VWA5B1: variants seen among roughly 807,000 people sequenced by gnomAD.
The protein encoded by VWA5B1 is von Willebrand factor A domain-containing protein 5B1.
A neutral mutation model predicts 118.2 loss-of-function variants in VWA5B1; 115 were observed. That is an observed-to-expected ratio of 0.97 (90% CI 0.84 to 1.14). The LOEUF is 1.14. Ranked by LOEUF, VWA5B1 falls within the 50% of genes most tolerant of loss-of-function variation. VWA5B1 has a pLI of 0.00. For synonymous variants in VWA5B1, 682 were observed against 658.4 expected, an observed-to-expected ratio of 1.04 and a Z score of -0.55; for missense variants, 1,596 against 1,603.8, an observed-to-expected ratio of 1.00 and a Z score of 0.08.
At chr1:20,307,279 G>T (rs1046186052) in intron 1 of VWA5B1, among the ~76,000 whole-genome samples, 1 of 152,180 alleles carries the variant, frequency 6.6e-6, no homozygotes, top group Admixed American at 6.5e-5. Flanking sequence ...GTTTCCTGTG[G>T]CCCGCGCCCA....
At chr1:20,336,211 G>A (rs772589390) in intron 12 of VWA5B1, 92 bp from the exon 13 acceptor site, 122 of 1,148,540 alleles carry the variant, frequency 1.1e-4, no homozygotes, top group Non-Finnish European at 1.3e-4. Context: ...GATGAAAACC[G>A]CACCACCTCT....
intron 9 of VWA5B1, among the ~76,000 whole-genome samples, chr1:20,329,041 G>GT (rs1374429643): frequency 1.3e-5 from 2 of 152,164 alleles, no homozygotes; most frequent in East Asian, 3.9e-4. Flanking sequence ...AATCTGTAAT[G>GT]TAACTGTAAT....
chr1:20,297,571 G>A (rs146249685), intron 1 of VWA5B1, among the ~76,000 whole-genome samples: 22 of 152,314 alleles, frequency 1.4e-4, no homozygotes, highest in Middle Eastern at 3.4e-3. Context: ...ATTTAAGAGC[G>A]GGGCATCATA....
rs982081958 is a variant in VWA5B1, at chr1:20,355,380, G to A, written c.*1117G>A. Among the ~76,000 whole-genome samples, 10 of 152,302 alleles carry A rather than the reference G, an allele frequency of 6.6e-5. No homozygotes were observed. The highest frequency in any genetic ancestry group is 9.6e-5 in the African/African-American group (4 of 41,564). On this transcript the variant is annotated 3_prime_UTR_variant, in exon 22 of 22. Coordinates refer to ENST00000289815, the MANE Select transcript of VWA5B1 (RefSeq NM_001039500.3). ...GTGTGATGCCTACATGGGGAATGGC[G>A]TGCTGTGGCCGCAGATACCCTAATG...
chr1:20,332,741 A>G, intron 11 of VWA5B1, 25 bp from the exon 12 acceptor site: 4 of 1,549,288 alleles, frequency 2.6e-6, no homozygotes, highest in African/African-American at 1.4e-5. Flanking sequence ...ACATCCCCCA[A>G]CTGCATTCTG....
intron 9 of VWA5B1, among the ~76,000 whole-genome samples, chr1:20,329,595 T>C (rs1182409830): frequency 6.6e-6 from 1 of 152,110 alleles, no homozygotes; most frequent in African/African-American, 2.4e-5. Flanking sequence ...CTAAGTCCTG[T>C]CCAAGGGTGG....
rs555785119 is a variant in VWA5B1 at position 20,291,408 on chromosome 1, C to G, written c.-27+320C>G. Among the ~76,000 whole-genome samples, 20 of 143,220 alleles carry G rather than the reference C, an allele frequency of 1.4e-4. No individual in the cohort carries two copies. The South Asian group carries it at 4.4e-3, about 31-fold the overall frequency. The allele number at this position is 143,220 out of a possible 152,430, so 94.0% of individuals were successfully genotyped here. On this transcript the variant is annotated intron_variant, in intron 1 of 21. Transcript: ENST00000289815. ...CTCTTTCTGTCTCCTCTATTTCTCT[C>G]CCTCCCCACCCCTTCTCCTGCTCCC...
intron 14 of VWA5B1, among the ~76,000 whole-genome samples, chr1:20,339,667 C>T (rs550952706): frequency 6.6e-6 from 1 of 152,144 alleles, no homozygotes; most frequent in Admixed American, 6.5e-5. Flanking sequence ...TTCCAACCAC[C>T]ACCCCCATCC....
Position 20,352,134 on chromosome 1 carries a change from T to C in VWA5B1, c.3103T>C (p.Ser1035Pro), listed in dbSNP as rs1204634031. The change falls in exon 21 of 22, where the codon TCG becomes CCG. Residue 1035 changes from serine (S) to proline (P), a missense_variant. Physicochemically the swap from Ser to Pro is moderately conservative, Grantham distance 74. Transcript: ENST00000289815. ...LSKPLIKAVE[S>P]TSGNQSFDYI... ...CAAGCCACTGATCAAAGCTGTGGAG[T>C]CGACCTCCGGGAACCAGAGCTTCGA... 1.3e-6 allele frequency: 2 copies of C among 1,550,918 alleles called. No individual in the cohort carries two copies. The highest frequency in any genetic ancestry group is 2.0e-5 in the Admixed American group (1 of 50,958).
At chr1:20,301,721 C>G (rs2088508682) in intron 1 of VWA5B1, among the ~76,000 whole-genome samples, 2 of 152,350 alleles carry the variant, frequency 1.3e-5, no homozygotes, top group South Asian at 4.1e-4. Context: ...AGAGAATTTA[C>G]TTAGTGCTTT....
At chr1:20,306,012 G>C (rs2088641688) in intron 1 of VWA5B1, among the ~76,000 whole-genome samples, 1 of 152,130 alleles carries the variant, frequency 6.6e-6, no homozygotes, top group Non-Finnish European at 1.5e-5. Flanking sequence ...AAGGTACTAA[G>C]GATGCATCGA....
At chr1:20,324,177 C>T (rs1414376274) in intron 8 of VWA5B1, among the ~76,000 whole-genome samples, 2 of 152,136 alleles carry the variant, frequency 1.3e-5, no homozygotes, top group Non-Finnish European at 2.9e-5. Flanking sequence ...TGCCCTTGGC[C>T]ATCTGGAAAA....
chr1:20,318,405 C>T, intron 5 of VWA5B1, 185 bp from the exon 6 acceptor site: 1 of 796,948 alleles, frequency 1.3e-6, no homozygotes, highest in Non-Finnish European at 2.1e-6. Flanking sequence ...CACCATCTAT[C>T]TAAGCTTTCA....
intron 1 of VWA5B1, among the ~76,000 whole-genome samples, chr1:20,300,359 A>G (rs980422309): frequency 6.6e-5 from 10 of 152,110 alleles, no homozygotes; most frequent in African/African-American, 2.4e-4. Context: ...TGGACTGTCA[A>G]TCTGAAGAGA....
At chr1:20,304,633 A>T (rs1570057777) in intron 1 of VWA5B1, among the ~76,000 whole-genome samples, 1 of 151,812 alleles carries the variant, frequency 6.6e-6, no homozygotes, top group East Asian at 1.9e-4. Flanking sequence ...CTGGAGGTTG[A>T]AGGAACAGGT....
chr1:20,330,315 A>G lies in VWA5B1; in HGVS notation c.1390A>G (p.Thr464Ala), dbSNP rs2089509521. Residue 464 changes from threonine (T) to alanine (A), a missense_variant, in exon 10 of 22, where the codon ACA (threonine) becomes GCA (alanine). Transcript: ENST00000289815. ...CCACCCGCGGCTCCTCTTCGTGATCACAGATGGCGCTGTCAACAACACAGG... is the reference window on the plus strand; with the variant it reads ...CCACCCGCGGCTCCTCTTCGTGATCGCAGATGGCGCTGTCAACAACACAGG... ...RGHPRLLFVI[T>A]DGAVNNTGKV... The G allele has an allele frequency of 1.3e-6, 2 of 1,551,776 alleles. No homozygotes were observed. Among genetic ancestry groups the G allele is most frequent in the African/African-American group, 1.4e-5 (1 of 73,188 alleles).
chr1:20,328,077 A>C, intron 9 of VWA5B1, 77 bp downstream of exon 9: 2 of 1,405,780 alleles, frequency 1.4e-6, no homozygotes, highest in Non-Finnish European at 2.0e-6. Context: ...AGGGGAAAAA[A>C]TAGTTAAAAC....
chr1:20,351,060 C>T (rs1160566382), intron 20 of VWA5B1, 134 bp downstream of exon 20: 1 of 800,748 alleles, frequency 1.2e-6, no homozygotes, highest in Non-Finnish European at 2.0e-6. Context: ...AAAGAAGGCA[C>T]TCCTGCCCAG....
At chr1:20,342,292 C>G in intron 14 of VWA5B1, 140 bp from the exon 15 acceptor site, 1 of 841,822 alleles carries the variant, frequency 1.2e-6, no homozygotes, top group Non-Finnish European at 1.8e-6. Context: ...GCTGCTGTGC[C>G]CCAGGAAAGA....
Sources: gnomAD v4.1 joint callset for allele counts (sites outside exome capture counted in the v4.1 genomes callset) on GRCh38, gnomAD v4.1.1 for gene constraint, MANE v1.5 for transcripts, NCBI Gene and HGNC (gene_info 2026-07-23, HGNC 2026-07-21) for gene names.